The following NCOR2 variants were observed in gnomAD, a reference collection of about 807,000 sequenced individuals.
NCOR2 encodes the protein CTG repeat protein 26.
Under a neutral mutation model 262.9 loss-of-function variants are expected in NCOR2, and 81 were observed. That is an observed-to-expected ratio of 0.31 (90% CI 0.26 to 0.37). The LOEUF is 0.37. NCOR2 is among the 10% of genes least tolerant of loss of function. The probability of loss-of-function intolerance (pLI) is 1.00; values close to 1 mark genes in which losing one functional copy is unlikely to be tolerated. For synonymous variants in NCOR2, 1,659 were observed against 1,559.3 expected, an observed-to-expected ratio of 1.06 and a Z score of -1.51; for missense variants, 3,385 against 3,621.4, an observed-to-expected ratio of 0.93 and a Z score of 1.68.
At chr12:124,424,605 A>T (rs1357555244) in intron 11 of NCOR2, among the ~76,000 whole-genome samples, 2 of 152,106 alleles carry the variant, frequency 1.3e-5, no homozygotes, top group Non-Finnish European at 2.9e-5. Context: ...CTGGATAGCC[A>T]CTGTGTCCTT....
chr12:124,502,839 A>G (rs2048819993), intron 1 of NCOR2, among the ~76,000 whole-genome samples: 1 of 152,158 alleles, frequency 6.6e-6, no homozygotes, highest in Non-Finnish European at 1.5e-5. Context: ...AGTGTGGGGC[A>G]CAGGTAAAAG....
intron 12 of NCOR2, among the ~76,000 whole-genome samples, chr12:124,421,207 C>T (rs902390913): frequency 1.3e-5 from 2 of 152,260 alleles, no homozygotes; most frequent in African/African-American, 2.4e-5. Flanking sequence ...CCCCGCCGGC[C>T]TCTCCGTTGG....
At chr12:124,344,569 C>G (rs933930038) in intron 32 of NCOR2, 28 bp downstream of exon 34, 2 of 1,422,588 alleles carry the variant, frequency 1.4e-6, no homozygotes, top group Non-Finnish European at 1.8e-6. Flanking sequence ...GCGCCCACCC[C>G]ACTCACGCCC....
chr12:124,491,922 C>G (rs892158344), intron 1 of NCOR2, among the ~76,000 whole-genome samples: 1 of 152,132 alleles, frequency 6.6e-6, no homozygotes, highest in Non-Finnish European at 1.5e-5. Context: ...AGGTAGGAAG[C>G]GGGAGGGCAG....
chr12:124,559,865 G>A (rs904039831), intron 1 of NCOR2, among the ~76,000 whole-genome samples: 1 of 152,176 alleles, frequency 6.6e-6, no homozygotes, highest in Non-Finnish European at 1.5e-5. Context: ...TTGTGAAAAC[G>A]ACGCAGTGCC....
intron 1 of NCOR2, among the ~76,000 whole-genome samples, chr12:124,552,976 G>A (rs976767630): frequency 5.9e-5 from 9 of 152,204 alleles, no homozygotes; most frequent in Non-Finnish European, 8.8e-5. Context: ...GTGAGCCACC[G>A]TGCCCAGCCA....
chr12:124,515,713 GTGTA>G (rs1238107857), intron 1 of NCOR2, among the ~76,000 whole-genome samples: 1 of 151,696 alleles, frequency 6.6e-6, no homozygotes, highest in South Asian at 2.1e-4. Flanking sequence ...GTGTGACTGT[GTGTA>G]TGGTGTGTAT....
At chr12:124,518,505 C>T (rs2049968902) in intron 1 of NCOR2, among the ~76,000 whole-genome samples, 1 of 152,248 alleles carries the variant, frequency 6.6e-6, no homozygotes, top group African/African-American at 2.4e-5. Context: ...GCCGCCTGAC[C>T]CCACGGCTGG....
At chr12:124,420,529 C>G (rs748250585) in intron 12 of NCOR2, among the ~76,000 whole-genome samples, 40 of 152,308 alleles carry the variant, frequency 2.6e-4, no homozygotes, top group South Asian at 1.2e-3. Context: ...TCCTGAATAG[C>G]CTCTTCCAAG....
In NCOR2 at chr12:124,327,728, AAGGAGG is replaced by A. The variant is rs150410001; in HGVS notation, c.6959-101_6959-96del. Reference sequence around the variant, plus strand: ...AGAGAGAGAAGGGAGAGAGAGAGGGAAGGAGGAGGAGGAGGAGGAGGAGAGAGAAAT... The same window carrying A: ...AGAGAGAGAAGGGAGAGAGAGAGGGAAGGAGGAGGAGGAGGAGAGAGAAAT... On this transcript the variant is annotated intron_variant, in intron 44 of 46. Transcript: ENST00000405201. The A allele has an allele frequency of 2.1e-4, 169 of 819,834 alleles. 1 individual carries two copies. The highest frequency in any genetic ancestry group is 9.7e-4 in the South Asian group (57 of 58,468). The allele number at this position is 819,834 out of a possible 1,614,324, so 50.8% of individuals were successfully genotyped here.
chr12:124,547,374 G>A (rs2051574885), intron 1 of NCOR2, among the ~76,000 whole-genome samples: 1 of 152,190 alleles, frequency 6.6e-6, no homozygotes, highest in Admixed American at 6.5e-5. Flanking sequence ...AGGTCTGTAT[G>A]TGTAGGAAAA....
chr12:124,462,830 C>A (rs1418559330), intron 5 of NCOR2, among the ~76,000 whole-genome samples: 1 of 152,224 alleles, frequency 6.6e-6, no homozygotes, highest in Non-Finnish European at 1.5e-5. Context: ...CCCGATCACA[C>A]TGTGCACACA....
At chr12:124,337,437 T>C in intron 37 of NCOR2, 1 of 674,632 alleles carries the variant, frequency 1.5e-6, no homozygotes, top group Non-Finnish European at 2.7e-6. Flanking sequence ...TTCTAGACAC[T>C]GTGAATACAG....
chr12:124,333,246 A>G (rs2035375269), exon 42 of NCOR2: 1 of 1,611,666 alleles, frequency 6.2e-7, no homozygotes, highest in African/African-American at 1.3e-5. Flanking sequence ...CCTCACCACC[A>G]CCCAAGACCG....
At chr12:124,325,378 C>T in exon 47 of NCOR2, 1 of 232,298 alleles carries the variant, frequency 4.3e-6, no homozygotes, top group Non-Finnish European at 6.5e-6. Context: ...CCTGACACCG[C>T]CCCCCCCCCC....
intron 45 of NCOR2, among the ~76,000 whole-genome samples, chr12:124,326,855 C>T (rs2034701462): frequency 6.6e-6 from 1 of 152,192 alleles, no homozygotes; most frequent in South Asian, 2.1e-4. Flanking sequence ...CAACTCTCTC[C>T]TCAGCTCCCT....
chr12:124,326,231 C>T (rs887099529), exon 46 of NCOR2: 72 of 1,539,620 alleles, frequency 4.7e-5, no homozygotes, highest in South Asian at 6.0e-5. Context: ...GGTTGGTGAG[C>T]GGCGTCCGGC....
chr12:124,524,662 G>A lies in NCOR2; in HGVS notation c.-118+10903C>T, dbSNP rs141528525. 1.1e-4 allele frequency among the ~76,000 whole-genome samples: 16 copies of A among 152,236 alleles called. No individual in the cohort carries two copies. The East Asian group carries it at 1.7e-3, about 17-fold the overall frequency. On this transcript the variant is annotated intron_variant, in intron 1 of 46. Coordinates refer to the NCOR2 transcript ENST00000404621. ...TCAACTCCCCGTCATAGCCTAACTC[G>A]GCTCGAGTGTGTCTCTGCCACAACT...
chr12:124,474,074 T>C (rs1240939624), intron 3 of NCOR2, among the ~76,000 whole-genome samples: 1 of 152,226 alleles, frequency 6.6e-6, no homozygotes, highest in African/African-American at 2.4e-5. Context: ...ACCTCTCTTC[T>C]TCCACTTACC....
Sources: allele counts gnomAD v4.1 joint callset (sites outside exome capture counted in the v4.1 genomes callset), GRCh38; gene constraint gnomAD v4.1.1; transcripts MANE v1.5; gene names NCBI Gene and HGNC (gene_info 2026-07-23, HGNC 2026-07-21).